Variants in FREM3 observed in about 807,000 individuals in gnomAD.
The protein encoded by FREM3 is FRAS1-related extracellular matrix protein 3.
FREM3 carries 105 observed loss-of-function variants against 129.1 expected under a neutral mutation model. That is an observed-to-expected ratio of 0.81 (90% CI 0.69 to 0.96). The LOEUF (loss-of-function observed/expected upper bound fraction) is 0.96. Among genes scored for constraint, FREM3 ranks in the 40% least tolerant of loss-of-function variants. The pLI is 0.00. For synonymous variants in FREM3, 1,014 were observed against 1,044.9 expected (o/e 0.97, Z 0.57); for missense variants, 2,593 against 2,666.3 (o/e 0.97, Z 0.61).
At chr4:143,694,062 C>T (rs1369187972) in intron 1 of FREM3, among the ~76,000 whole-genome samples, 4 of 152,024 alleles carry the variant, frequency 2.6e-5, no homozygotes, top group African/African-American at 4.8e-5. Flanking sequence ...GCTTAAATAC[C>T]GGGGTGATGA....
rs554527946 is a variant in FREM3 at position 143,592,822 on chromosome 4, C to T, written c.6029-6829G>A. On this transcript the variant is annotated intron_variant, in intron 6 of 7. Transcript: ENST00000329798. The stretch of plus-strand genomic sequence containing the variant: ...TTGGGGAAGTTCTCCTGGATAATAT[C>T]CTGCAGAGTGTTTTCCAACTTGGTT... 3.6e-3 allele frequency among the ~76,000 whole-genome samples: 551 copies of T among 152,246 alleles called. 1 individual carries two copies. Among genetic ancestry groups the T allele is most frequent in the African/African-American group, 0.013 (533 of 41,534 alleles).
intron 2 of FREM3, among the ~76,000 whole-genome samples, chr4:143,684,785 C>G (rs764732381): frequency 8.5e-5 from 13 of 152,140 alleles, no homozygotes; most frequent in South Asian, 2.1e-4. Context: ...GAGAAATATT[C>G]AGGGAAATAG....
In FREM3 at chr4:143,698,516, G is replaced by A. The variant is rs1419930797; in HGVS notation, c.2160C>T (p.Leu720=). 1.3e-6 allele frequency: 2 copies of A among 1,537,602 alleles called. No homozygotes were observed. The highest frequency in any genetic ancestry group is 2.0e-5 in the Admixed American group (1 of 51,004). Residue 720 remains leucine, a synonymous_variant, in exon 1 of 8, where the codon CTC becomes CTT. Transcript: ENST00000329798. ...GGAGGAAATTCTTCTGGAAGTGAGT[G>A]AGTTGGTATTCTTGTACAGTCATTT... ...TLEMTVQEYQ[L]THFQKNFLRY...
rs1740667083 is a variant in FREM3 at position 143,700,089 on chromosome 4, G to A, written c.587C>T (p.Ala196Val). 3.3e-5 allele frequency: 51 copies of A among 1,533,778 alleles called. No individual in the cohort carries two copies. The highest frequency in any genetic ancestry group is 4.4e-5 in the Non-Finnish European group (50 of 1,144,296). Residue 196 changes from alanine (A) to valine (V), a missense_variant, in exon 1 of 8, where the codon GCC becomes GTC. Transcript: ENST00000329798. ...RAIDRRVLDFASLKSGATATR... is the reference protein window; with the variant it reads ...RAIDRRVLDFVSLKSGATATR... ...GGCCGTGGCTCCAGACTTCAGGGAG[G>A]CGAAGTCCAGCACTCTCCTGTCTAT...
intron 2 of FREM3, among the ~76,000 whole-genome samples, chr4:143,663,266 T>G (rs1739778969): frequency 6.6e-6 from 1 of 152,176 alleles, no homozygotes; most frequent in East Asian, 1.9e-4. Context: ...GGAGCTCTTT[T>G]AGGGCAGGCC....
intron 2 of FREM3, among the ~76,000 whole-genome samples, chr4:143,682,342 A>G (rs57997148): frequency 0.016 from 2,452 of 152,298 alleles, 90 homozygotes; most frequent in African/African-American, 0.056. Flanking sequence ...AATCATAATG[A>G]GTGCGGTTGA....
chr4:143,586,017 C>A, intron 6 of FREM3, 24 bp from the exon 7 acceptor site: 1 of 1,536,838 alleles, frequency 6.5e-7, no homozygotes, highest in South Asian at 1.2e-5. Context: ...AAAAGATACA[C>A]TAAGAATGCT....
chr4:143,692,582 ATAG>A (rs1740492596), intron 2 of FREM3, among the ~76,000 whole-genome samples: 1 of 152,172 alleles, frequency 6.6e-6, no homozygotes, highest in African/African-American at 2.4e-5. Flanking sequence ...TTTGAAGTTA[ATAG>A]TAGACAGACC....
intron 2 of FREM3, among the ~76,000 whole-genome samples, chr4:143,647,174 G>A (rs1312448244): frequency 6.6e-6 from 1 of 152,180 alleles, no homozygotes; most frequent in Non-Finnish European, 1.5e-5. Flanking sequence ...GAGACTGGTG[G>A]CACTTTGCCT....
chr4:143,662,400 G>T (rs913008419), intron 2 of FREM3, among the ~76,000 whole-genome samples: 1 of 152,186 alleles, frequency 6.6e-6, no homozygotes, highest in Admixed American at 6.5e-5. Context: ...GAGTGGTTTT[G>T]AGTGAGTTTC....
chr4:143,696,754 G>T lies in FREM3; in HGVS notation c.3922C>A (p.His1308Asn). 6.5e-7 allele frequency: 1 copy of T among 1,537,884 alleles called. No individual in the cohort carries two copies. Among genetic ancestry groups the T allele is most frequent in the Non-Finnish European group, 8.7e-7 (1 of 1,147,062 alleles). Residue 1308 changes from histidine (H) to asparagine (N), a missense_variant, in exon 1 of 8, where the codon CAC (histidine) becomes AAC (asparagine). His to Asn is a moderately conservative substitution (Grantham distance 68, BLOSUM62 1). Around this residue, in one of 2 missense-constraint regions of FREM3, gnomAD observed 2,276 missense variants for 2,267.2 expected, o/e 1.00. Transcript: ENST00000329798. ...TTCAGCCCATTGTTGACAGTCAGGT[G>T]AGGAGTTTCATCATCCACTAGGGTC... is the stretch of plus-strand genomic sequence containing the variant. ...VVTLVDDETPHLTVNNGLKVE... is the reference protein window; with the variant it reads ...VVTLVDDETPNLTVNNGLKVE...
chr4:143,682,686 C>T (rs1740277891), intron 2 of FREM3, among the ~76,000 whole-genome samples: 1 of 152,164 alleles, frequency 6.6e-6, no homozygotes. Context: ...GTAGTCACTA[C>T]CCTTTACCAT....
intron 2 of FREM3, among the ~76,000 whole-genome samples, chr4:143,667,539 A>AT (rs892237724): frequency 3.3e-5 from 5 of 151,490 alleles, no homozygotes; most frequent in South Asian, 2.1e-4. Context: ...CAGGAAACTC[A>AT]TTTTTTTTTC....
intron 2 of FREM3, among the ~76,000 whole-genome samples, chr4:143,675,569 A>C (rs1740100436): frequency 6.6e-6 from 1 of 152,024 alleles, no homozygotes; most frequent in African/African-American, 2.4e-5. Context: ...ATAGAGACAC[A>C]AAAAACCCTT....
At chr4:143,663,599 T>A (rs971322607) in intron 2 of FREM3, among the ~76,000 whole-genome samples, 2 of 152,096 alleles carry the variant, frequency 1.3e-5, no homozygotes, top group Admixed American at 1.3e-4. Flanking sequence ...CTTTGTGGCA[T>A]TCTCTGTATT....
At chr4:143,609,429 C>T (rs1738718372) in intron 6 of FREM3, among the ~76,000 whole-genome samples, 1 of 152,042 alleles carries the variant, frequency 6.6e-6, no homozygotes, top group Non-Finnish European at 1.5e-5. Flanking sequence ...GAAAAGTAAG[C>T]ATTGATTATA....
At chr4:143,627,168 T>C (rs1739054431) in intron 3 of FREM3, among the ~76,000 whole-genome samples, 1 of 152,164 alleles carries the variant, frequency 6.6e-6, no homozygotes, top group Non-Finnish European at 1.5e-5. Context: ...TATAACCTAC[T>C]AGCAAGGTTA....
intron 6 of FREM3, among the ~76,000 whole-genome samples, chr4:143,607,830 C>T (rs59771631): frequency 0.11 from 17,110 of 152,070 alleles, 2,875 homozygotes; most frequent in African/African-American, 0.37. Flanking sequence ...AAATTTATTC[C>T]ATTACAGTTC....
intron 2 of FREM3, among the ~76,000 whole-genome samples, chr4:143,642,007 C>A: frequency 6.6e-6 from 1 of 152,080 alleles, no homozygotes; most frequent in Admixed American, 6.6e-5. Context: ...TGTTCAGTGG[C>A]AGACTAAACT....
Sources: allele counts gnomAD v4.1 joint callset (sites outside exome capture counted in the v4.1 genomes callset), GRCh38; gene constraint gnomAD v4.1.1; regional missense constraint gnomAD v4.1.1; transcripts MANE v1.5; gene names NCBI Gene and HGNC (gene_info 2026-07-23, HGNC 2026-07-21).